SHC2: variants seen among roughly 807,000 people sequenced by gnomAD.
The protein encoded by SHC2 is SHC-transforming protein 2.
SHC2 carries 62 observed loss-of-function variants against 60.6 expected under a neutral mutation model. The observed-to-expected ratio is 1.02, with a 90% CI of 0.83 to 1.26. SHC2 has a LOEUF of 1.26. Among genes scored for constraint, SHC2 ranks in the 50% most tolerant of loss-of-function variants. The probability of loss-of-function intolerance (pLI) is 0.00; values close to 1 mark genes in which losing one functional copy is unlikely to be tolerated. For synonymous variants in SHC2, 375 were observed against 372.4 expected (o/e 1.01, Z -0.08); for missense variants, 873 against 822.2 (o/e 1.06, Z -0.76).
At chr19:455,546 A>G (rs1173306862) in intron 1 of SHC2, among the ~76,000 whole-genome samples, 1 of 152,242 alleles carries the variant, frequency 6.6e-6, no homozygotes, top group Non-Finnish European at 1.5e-5. Flanking sequence ...TCTCTCCCAC[A>G]CACCGGGATC....
In SHC2 at chr19:425,285, G is replaced by C. The variant is rs569401861; in HGVS notation, c.1175-54C>G. On this transcript the variant is annotated intron_variant, in intron 9 of 12. Coordinates refer to ENST00000264554, the MANE Select transcript of SHC2 (RefSeq NM_012435.3). The surrounding 1 kb of genome is among the most constrained non-coding windows in gnomAD (Gnocchi z 4.1). ...CAGCTGGGAGCCAGGCGAGGGGCTC[G>C]CAGGGAGCAAGGCGGGGTCCCACGA... is the stretch of plus-strand genomic sequence containing the variant. 2 of 1,290,932 alleles carry C rather than the reference G, an allele frequency of 1.5e-6. No individual in the cohort carries two copies. The highest frequency in any genetic ancestry group is 2.0e-6 in the Non-Finnish European group (2 of 1,010,256). 80.0% of individuals were successfully genotyped at this position (1,290,932 alleles called of 1,614,324 possible). A position where few individuals can be genotyped will look rare whatever the true frequency, so the allele number is the denominator to read the frequency against.
chr19:427,566 G>GCACGGCACAGGGAAGGGGGAACTGCA, intron 9 of SHC2, among the ~76,000 whole-genome samples: 1 of 130,932 alleles, frequency 7.6e-6, no homozygotes, highest in Non-Finnish European at 1.6e-5. Context: ...GGGGAATTGC[G>GCACGGCACAGGGAAGGGGGAACTGCA]CACGGCACAG....
chr19:456,302 T>C (rs56398868), intron 1 of SHC2, among the ~76,000 whole-genome samples: 50,024 of 151,576 alleles, frequency 0.33, 10,509 homozygotes, highest in African/African-American at 0.61. Context: ...ACGGGGCTCC[T>C]GGGGGACAGC....
rs539035634 is a variant in SHC2 at position 441,040 on chromosome 19, T to C, written c.469-108A>G. On this transcript the variant is annotated intron_variant, in intron 1 of 12. Transcript: ENST00000264554. This position sits in a 1 kb window ranked among gnomAD's most constrained non-coding sequence, Gnocchi z 4.9. ...CTCCACCACCCCTGGGGTCGAGCCC[T>C]TTCCTCTGTCCCTGGTGGCTCTGGG... 48 of 1,532,990 alleles carry C rather than the reference T, an allele frequency of 3.1e-5. No individual in the cohort carries two copies. In the African/African-American group the frequency reaches 5.5e-4, roughly 17 times the overall value. The allele number at this position is 1,532,990 out of a possible 1,614,324, so 95.0% of individuals were successfully genotyped here. A position where few individuals can be genotyped will look rare whatever the true frequency, so the allele number is the denominator to read the frequency against.
chr19:419,312 T>C, intron 11 of SHC2: 1 of 449,998 alleles, frequency 2.2e-6, no homozygotes, highest in South Asian at 4.8e-5. Context: ...CGCGGGAAGA[T>C]GCGGCCAGGT....
chr19:430,583 A>G, intron 9 of SHC2, 101 bp downstream of exon 9: 1 of 865,250 alleles, frequency 1.2e-6, no homozygotes. Flanking sequence ...TTAATGTGAA[A>G]TAAGCAGAGA....
At chr19:442,626 A>G (rs190685452) in intron 1 of SHC2, among the ~76,000 whole-genome samples, 343 of 9,170 alleles carry the variant, frequency 0.037, 8 homozygotes, top group South Asian at 0.12. Flanking sequence ...TGGATGAGTG[A>G]ATGGGTGGAT....
rs1339771248 is a variant in SHC2 at position 440,808 on chromosome 19, G to A, written c.539+54C>T. On this transcript the variant is annotated intron_variant, in intron 2 of 12. Coordinates refer to ENST00000264554, the MANE Select transcript of SHC2 (RefSeq NM_012435.3). The surrounding 1 kb of genome is among the most constrained non-coding windows in gnomAD (Gnocchi z 7.0). ...ATCGCTGCCGCCCTCCAGTGCTGCCGCCCTCCAGTGCGTCACTCAGCCCTA... is the reference window on the plus strand; with the variant it reads ...ATCGCTGCCGCCCTCCAGTGCTGCCACCCTCCAGTGCGTCACTCAGCCCTA... 32 of 1,489,514 alleles carry A rather than the reference G, an allele frequency of 2.1e-5. No individual in the cohort carries two copies. The highest frequency in any genetic ancestry group is 5.7e-5 in the African/African-American group (4 of 70,122). The allele number at this position is 1,489,514 out of a possible 1,614,324, so 92.3% of individuals were successfully genotyped here.
rs1975531829 is a variant in SHC2 at position 460,784 on chromosome 19, GC to G, written c.212del (p.Gly71AlafsTer108). On this transcript the variant is annotated frameshift_variant, in exon 1 of 13. Transcript: ENST00000264554. LOFTEE classifies it high-confidence loss of function. Reference protein sequence around the residue: ...DPQPEPAGPGGVPALAAAVLG... With the variant: ...DPQPEPAGPGXVPALAAAVLG... ...GGACGGCGGCCGCCAGCGCCGGGAC[GC>G]CCCCCGGGCCCGCCGGCTCGGGTTG... is the stretch of plus-strand genomic sequence containing the variant. The G allele has an allele frequency of 1.8e-5, 18 of 978,852 alleles. No homozygotes were observed. Among genetic ancestry groups the G allele is most frequent in the Non-Finnish European group, 1.9e-5 (16 of 827,106 alleles). The allele number at this position is 978,852 out of a possible 1,614,324, so 60.6% of individuals were successfully genotyped here. A position where few individuals can be genotyped will look rare whatever the true frequency, so the allele number is the denominator to read the frequency against.
At chr19:418,355 G>GCA (rs1383080387) in intron 12 of SHC2, among the ~76,000 whole-genome samples, 1 of 152,268 alleles carries the variant, frequency 6.6e-6, no homozygotes, top group African/African-American at 2.4e-5. Context: ...GGTCATGGCT[G>GCA]CACGCTGCCA....
intron 9 of SHC2, 23 bp downstream of exon 9, chr19:430,661 C>A (rs753764768): frequency 1.2e-6 from 2 of 1,609,240 alleles, no homozygotes; most frequent in Non-Finnish European, 1.7e-6. Context: ...GTGGGTACCC[C>A]TTGCAGCCCC....
At chr19:418,065 A>G (rs112946315) in intron 12 of SHC2, among the ~76,000 whole-genome samples, 3,364 of 151,824 alleles carry the variant, frequency 0.022, 101 homozygotes, top group South Asian at 0.089. Context: ...CAGAGGAGAG[A>G]CCATGAGATC....
chr19:453,687 G>T lies in SHC2; in HGVS notation c.468+6842C>A, dbSNP rs12460605. On this transcript the variant is annotated intron_variant, in intron 1 of 12. Coordinates refer to ENST00000264554, the MANE Select transcript of SHC2 (RefSeq NM_012435.3). The surrounding 1 kb of genome is among the most constrained non-coding windows in gnomAD (Gnocchi z 6.3). ...TGCATTTGGAGCTGAACCATCTCCA[G>T]CACCCTCTCACAACTCCCCGCACCT... Among the ~76,000 whole-genome samples, 124,994 of 152,048 alleles carry T rather than the reference G, an allele frequency of 0.82. 51,705 individuals carry two copies. The highest frequency in any genetic ancestry group is 0.96 in the East Asian group (4,938 of 5,166).
rs146625787 is a variant in SHC2 at position 452,803 on chromosome 19, C to T, written c.468+7726G>A. Among the ~76,000 whole-genome samples, 922 of 152,312 alleles carry T rather than the reference C, an allele frequency of 6.1e-3. 9 individuals are homozygous for T. The highest frequency in any genetic ancestry group is 0.021 in the African/African-American group (861 of 41,558). On this transcript the variant is annotated intron_variant, in intron 1 of 12. Transcript: ENST00000264554. ...AGAATCACCTGGAGGACTCACAAAA[C>T]GCAGCTCTCCAAGCCCCCCAGAGTC...
At chr19:447,313 G>A (rs1225246439) in intron 1 of SHC2, among the ~76,000 whole-genome samples, 1 of 150,864 alleles carries the variant, frequency 6.6e-6, no homozygotes, top group Admixed American at 6.6e-5. Flanking sequence ...GGAGGGGGTG[G>A]AGGGGAGGGA....
intron 1 of SHC2, among the ~76,000 whole-genome samples, chr19:451,269 T>G (rs1419372405): frequency 1.4e-5 from 2 of 147,562 alleles, no homozygotes; most frequent in Admixed American, 1.4e-4. Flanking sequence ...GCCGTGGCTG[T>G]GCTGTATTTC....
intron 1 of SHC2, among the ~76,000 whole-genome samples, chr19:450,479 C>G (rs1206727221): frequency 6.6e-6 from 1 of 151,752 alleles, no homozygotes; most frequent in Non-Finnish European, 1.5e-5. Flanking sequence ...CAAACTCAAA[C>G]TGACCCCACA....
chr19:457,926 C>G (rs900576432), intron 1 of SHC2, among the ~76,000 whole-genome samples: 1 of 152,254 alleles, frequency 6.6e-6, no homozygotes, highest in Non-Finnish European at 1.5e-5. Flanking sequence ...GGCATCCGCA[C>G]AGACCCGGGG....
Position 444,810 on chromosome 19 carries a change from G to A in SHC2, c.469-3878C>T, listed in dbSNP as rs185346437. ...TACCAACACCTCGCTAACTCAGGGCGCTTGTCACGTGTGAGGCTCTGCTGT... is the reference window on the plus strand; with the variant it reads ...TACCAACACCTCGCTAACTCAGGGCACTTGTCACGTGTGAGGCTCTGCTGT... On this transcript the variant is annotated intron_variant, in intron 1 of 12. Transcript: ENST00000264554. Among the ~76,000 whole-genome samples, 205 of 152,340 alleles carry A rather than the reference G, an allele frequency of 1.3e-3. 1 individual carries two copies. Among genetic ancestry groups the A allele is most frequent in the African/African-American group, 4.6e-3 (192 of 41,570 alleles).
Sources: gnomAD v4.1 joint callset for allele counts (sites outside exome capture counted in the v4.1 genomes callset) on GRCh38, gnomAD v4.1.1 for gene constraint, Gnocchi (gnomAD v3.1) non-coding constraint, MANE v1.5 for transcripts, NCBI Gene and HGNC (gene_info 2026-07-23, HGNC 2026-07-21) for gene names.